TEAD4: variants seen among roughly 807,000 people sequenced by gnomAD.
TEAD4 encodes TEA domain transcription factor 4.
A neutral mutation model predicts 52.4 loss-of-function variants in TEAD4; 36 were observed. That is an observed-to-expected ratio of 0.69 (90% CI 0.53 to 0.91). The LOEUF is 0.91. TEAD4 is among the 40% of genes least tolerant of loss of function. TEAD4 has a pLI of 0.00. For missense variants in TEAD4, 508 were observed against 583.9 expected (o/e 0.87, Z 1.34); for synonymous variants, 220 against 231.0 (o/e 0.95, Z 0.43).
rs570667338 is a variant in TEAD4 at position 3,011,216 on chromosome 12, G to A, written c.291+148G>A. On this transcript the variant is annotated intron_variant, in intron 4 of 12. Coordinates refer to ENST00000359864, the MANE Select transcript of TEAD4 (RefSeq NM_003213.4). ...GTTATCCCTGTTGGGCGTGTCACAG[G>A]TGGTCCAGTTTTCTTTTTCTTTCTT... The A allele has an allele frequency of 4.5e-5, 32 of 714,688 alleles. 1 individual carries two copies. The East Asian group carries it at 7.1e-4, about 16-fold the overall frequency. The allele number at this position is 714,688 out of a possible 1,614,324, so 44.3% of individuals were successfully genotyped here. A position where few individuals can be genotyped will look rare whatever the true frequency, so the allele number is the denominator to read the frequency against.
At chr12:2,982,832 G>A (rs2098235220) in intron 2 of TEAD4, among the ~76,000 whole-genome samples, 1 of 152,206 alleles carries the variant, frequency 6.6e-6, no homozygotes, top group Non-Finnish European at 1.5e-5. Context: ...CGTGGGGCAG[G>A]GTCTGGCATT....
At chr12:2,975,027 T>TCAACCAAA (rs2098228356) in intron 2 of TEAD4, among the ~76,000 whole-genome samples, 7 of 152,168 alleles carry the variant, frequency 4.6e-5, no homozygotes, top group Admixed American at 4.6e-4. Flanking sequence ...TCAAGTACTG[T>TCAACCAAA]ATTTTCATAA....
At chr12:3,034,765 C>T (rs560988698) in intron 10 of TEAD4, among the ~76,000 whole-genome samples, 1 of 152,128 alleles carries the variant, frequency 6.6e-6, no homozygotes, top group South Asian at 2.1e-4. Context: ...AAGCCCTATC[C>T]CTGTGTTTTA....
chr12:3,012,093 G>A, intron 4 of TEAD4, 77 bp from the exon 5 acceptor site: 1 of 1,478,724 alleles, frequency 6.8e-7, no homozygotes, highest in Non-Finnish European at 9.4e-7. Flanking sequence ...GGCTGTGGAG[G>A]GCGAGAGTCA....
At chr12:3,021,685 G>A (rs955312203) in intron 9 of TEAD4, among the ~76,000 whole-genome samples, 159 bp from the exon 10 acceptor site, 2 of 152,196 alleles carry the variant, frequency 1.3e-5, no homozygotes, top group African/African-American at 4.8e-5. Flanking sequence ...AAAACAAAAG[G>A]AGTAGACTTT....
intron 2 of TEAD4, among the ~76,000 whole-genome samples, chr12:2,974,943 T>A (rs2098228265): frequency 6.6e-6 from 1 of 152,144 alleles, no homozygotes; most frequent in Non-Finnish European, 1.5e-5. Context: ...CTATTAATAT[T>A]TTCAGATCTG....
At chr12:3,022,187 G>A (rs997350156) in intron 10 of TEAD4, among the ~76,000 whole-genome samples, 170 bp downstream of exon 10, 5 of 152,306 alleles carry the variant, frequency 3.3e-5, no homozygotes, top group East Asian at 1.9e-4. Context: ...GAGCTGAGCC[G>A]AGGAGCGGGG....
intron 6 of TEAD4, 62 bp from the exon 7 acceptor site, chr12:3,018,483 C>G: frequency 6.2e-7 from 1 of 1,605,808 alleles, no homozygotes; most frequent in South Asian, 1.1e-5. Flanking sequence ...CCCCCACCCC[C>G]ACACCACAGG....
At chr12:2,960,280 C>T (rs1469575009) in intron 2 of TEAD4, 3 of 985,510 alleles carry the variant, frequency 3.0e-6, no homozygotes, top group South Asian at 4.7e-5. Context: ...AGAGCATCGG[C>T]AACAGAAGAG....
chr12:3,002,351 C>T (rs1240015050), intron 3 of TEAD4, among the ~76,000 whole-genome samples: 1 of 152,084 alleles, frequency 6.6e-6, no homozygotes, highest in African/African-American at 2.4e-5. Flanking sequence ...ATCTTGAGTC[C>T]CTGGTTTCAG....
At chr12:2,985,567 A>G (rs190634353) in intron 2 of TEAD4, among the ~76,000 whole-genome samples, 1,429 of 122,308 alleles carry the variant, frequency 0.012, 18 homozygotes, top group African/African-American at 0.036. Context: ...GTGTAGTGGC[A>G]CGATCTCGGC....
At chr12:3,035,421 T>G (rs1277598707) in intron 10 of TEAD4, among the ~76,000 whole-genome samples, 1 of 152,220 alleles carries the variant, frequency 6.6e-6, no homozygotes, top group Non-Finnish European at 1.5e-5. Context: ...TTTTGCCCTG[T>G]GCTTCCAGCT....
chr12:2,994,533 T>A lies in TEAD4; in HGVS notation c.-29-205T>A, dbSNP rs947213708. Among the ~76,000 whole-genome samples, 10 of 152,236 alleles carry A rather than the reference T, an allele frequency of 6.6e-5. No homozygotes were observed. Among genetic ancestry groups the A allele is most frequent in the African/African-American group, 2.4e-4 (10 of 41,464 alleles). ...ATACCAGGGAGTGCCTAGGTCATTG[T>A]GCTCATTCGACAGATGGGAAGATGA... is the stretch of plus-strand genomic sequence containing the variant. On this transcript the variant is annotated intron_variant, in intron 2 of 12. Transcript: ENST00000359864. The surrounding 1 kb of genome is among the most constrained non-coding windows in gnomAD (Gnocchi z 4.7).
intron 10 of TEAD4, among the ~76,000 whole-genome samples, chr12:3,035,690 C>T (rs1055736901): frequency 1.3e-5 from 2 of 151,982 alleles, no homozygotes; most frequent in African/African-American, 4.8e-5. Context: ...TGTGGTGGCA[C>T]ATGCCTATAA....
At chr12:2,984,993 A>G (rs1274983535) in intron 2 of TEAD4, among the ~76,000 whole-genome samples, 1 of 152,234 alleles carries the variant, frequency 6.6e-6, no homozygotes, top group Non-Finnish European at 1.5e-5. Flanking sequence ...TACTTAGGCT[A>G]CGCTAAATGT....
intron 3 of TEAD4, among the ~76,000 whole-genome samples, chr12:2,997,651 G>T (rs370359078): frequency 6.6e-6 from 1 of 152,048 alleles, no homozygotes; most frequent in African/African-American, 2.4e-5. Context: ...GCCGGAAAAC[G>T]AAAGTGTGCA....
At chr12:2,961,844 CCTGT>C (rs2098215572) in intron 2 of TEAD4, among the ~76,000 whole-genome samples, 1 of 152,030 alleles carries the variant, frequency 6.6e-6, no homozygotes, top group South Asian at 2.1e-4. Context: ...GAAACCTTGC[CCTGT>C]CTATCATGTT....
intron 5 of TEAD4, among the ~76,000 whole-genome samples, chr12:3,013,597 G>A (rs2098262119): frequency 6.6e-6 from 1 of 152,184 alleles, no homozygotes; most frequent in Non-Finnish European, 1.5e-5. Context: ...AGCCAGGTGT[G>A]GTGGCACACA....
At chr12:3,019,526 G>A (rs1345323779) in intron 8 of TEAD4, among the ~76,000 whole-genome samples, 1 of 152,194 alleles carries the variant, frequency 6.6e-6, no homozygotes, top group African/African-American at 2.4e-5. Flanking sequence ...TCCTGGGAGG[G>A]CCGAGGGGTG....
Sources: gnomAD v4.1 joint callset for allele counts (sites outside exome capture counted in the v4.1 genomes callset) on GRCh38, gnomAD v4.1.1 for gene constraint, Gnocchi (gnomAD v3.1) non-coding constraint, MANE v1.5 for transcripts, NCBI Gene and HGNC (gene_info 2026-07-23, HGNC 2026-07-21) for gene names.